TMCC1: variants seen among roughly 807,000 people sequenced by gnomAD.
TMCC1 encodes transmembrane and coiled-coil domains protein 1.
TMCC1 carries 15 observed loss-of-function variants against 52.4 expected under a neutral mutation model. The observed-to-expected ratio is 0.29, with a 90% CI of 0.19 to 0.44. The LOEUF (loss-of-function observed/expected upper bound fraction) is 0.44, where lower values mean the gene tolerates loss of function less well. Among genes scored for constraint, TMCC1 ranks in the 20% least tolerant of loss-of-function variants. TMCC1 has a pLI of 1.00. For missense variants in TMCC1, 503 were observed against 806.0 expected, an observed-to-expected ratio of 0.62 and a Z score of 4.55; for synonymous variants, 279 against 301.9, an observed-to-expected ratio of 0.92 and a Z score of 0.79.
intron 4 of TMCC1, among the ~76,000 whole-genome samples, chr3:129,784,966 C>T (rs887331902): frequency 1.3e-5 from 2 of 151,966 alleles, no homozygotes; most frequent in African/African-American, 2.4e-5. Context: ...GGTGACAGAG[C>T]GAGACCCTCA....
At chr3:129,672,437 A>AT (rs552849546) in intron 4 of TMCC1, among the ~76,000 whole-genome samples, 193 of 149,626 alleles carry the variant, frequency 1.3e-3, no homozygotes, top group East Asian at 7.4e-3. Context: ...CTCTCTACAC[A>AT]TTTTTTTTTT....
At chr3:129,852,494 T>C (rs1463219850) in intron 2 of TMCC1, among the ~76,000 whole-genome samples, 2 of 148,912 alleles carry the variant, frequency 1.3e-5, no homozygotes. Context: ...AAGAAAATTC[T>C]GCAGTATACA....
chr3:129,807,890 G>A (rs1485817229), intron 4 of TMCC1, among the ~76,000 whole-genome samples: 2 of 152,114 alleles, frequency 1.3e-5, no homozygotes, highest in Non-Finnish European at 2.9e-5. Flanking sequence ...AAGAGGATAT[G>A]AAATCAAGGA....
chr3:129,871,967 T>C (rs2060954006), intron 2 of TMCC1, among the ~76,000 whole-genome samples: 1 of 152,250 alleles, frequency 6.6e-6, no homozygotes, highest in Non-Finnish European at 1.5e-5. Flanking sequence ...ATCTAAGTTG[T>C]AAAGATAATG....
At chr3:129,829,998 G>A (rs183586248) in intron 3 of TMCC1, among the ~76,000 whole-genome samples, 17 of 152,164 alleles carry the variant, frequency 1.1e-4, no homozygotes, top group African/African-American at 4.1e-4. Context: ...AGGGAGACAG[G>A]GATAAAGACA....
At chr3:129,756,851 T>G (rs999587553) in intron 4 of TMCC1, among the ~76,000 whole-genome samples, 67 of 152,298 alleles carry the variant, frequency 4.4e-4, no homozygotes, top group African/African-American at 1.6e-3. Context: ...AGGGGAGTTG[T>G]TGATTATAAA....
At chr3:129,681,942 A>C (rs951428486) in intron 4 of TMCC1, among the ~76,000 whole-genome samples, 1 of 151,628 alleles carries the variant, frequency 6.6e-6, no homozygotes, top group Non-Finnish European at 1.5e-5. Context: ...AAAATAAATA[A>C]AATAAAAATA....
intron 2 of TMCC1, among the ~76,000 whole-genome samples, chr3:129,877,399 C>A (rs1309395279): frequency 4.6e-5 from 7 of 152,172 alleles, no homozygotes; most frequent in Non-Finnish European, 1.0e-4. Flanking sequence ...GCTACTAAGT[C>A]TTCCTTGATG....
chr3:129,728,299 G>A (rs2050264176), intron 4 of TMCC1, among the ~76,000 whole-genome samples: 2 of 152,108 alleles, frequency 1.3e-5, no homozygotes, highest in Non-Finnish European at 2.9e-5. Context: ...TGTTGTTGTT[G>A]TTCTGAGATG....
At chr3:129,866,349 T>C (rs2060644244) in intron 2 of TMCC1, among the ~76,000 whole-genome samples, 1 of 143,794 alleles carries the variant, frequency 7.0e-6, no homozygotes, top group Admixed American at 7.2e-5. Context: ...ATATTATATA[T>C]ACATAATATA....
chr3:129,828,291 A>T lies in TMCC1; in HGVS notation c.88T>A (p.Ser30Thr). The change falls in exon 4 of 7, where the codon TCA (serine) becomes ACA (threonine). Residue 30 changes from serine (S) to threonine (T), a missense_variant. Around this residue, in one of 7 missense-constraint regions of TMCC1, gnomAD observed 217 missense variants for 297.9 expected, o/e 0.73. Coordinates refer to ENST00000393238, the MANE Select transcript of TMCC1 (RefSeq NM_001017395.5). The surrounding 1 kb of genome is among the most constrained non-coding windows in gnomAD (Gnocchi z 4.1). ...QDAEARKQTESEQKLSKMTHN... is the reference protein window; with the variant it reads ...QDAEARKQTETEQKLSKMTHN... ...GTCATTTTAGACAATTTTTGTTCTGATTCTGTCTGCTTTCTGGCCTCTGCA... is the reference window on the plus strand; with the variant it reads ...GTCATTTTAGACAATTTTTGTTCTGTTTCTGTCTGCTTTCTGGCCTCTGCA... The T allele has an allele frequency of 6.2e-7, 1 of 1,614,092 alleles. No homozygotes were observed. Among genetic ancestry groups the T allele is most frequent in the African/African-American group, 1.3e-5 (1 of 75,026 alleles).
chr3:129,745,846 C>T (rs1163793885), intron 4 of TMCC1, among the ~76,000 whole-genome samples: 1 of 151,898 alleles, frequency 6.6e-6, no homozygotes, highest in African/African-American at 2.4e-5. Context: ...TGCATATAAT[C>T]CCAGCTACTC....
chr3:129,881,581 A>G (rs2061463401), intron 1 of TMCC1, among the ~76,000 whole-genome samples: 1 of 152,244 alleles, frequency 6.6e-6, no homozygotes, highest in South Asian at 2.1e-4. Context: ...AATATGACAT[A>G]CAGGGTGGTT....
chr3:129,833,959 C>T (rs935097367), intron 2 of TMCC1, among the ~76,000 whole-genome samples: 3 of 152,036 alleles, frequency 2.0e-5, no homozygotes, highest in African/African-American at 7.3e-5. Context: ...TTATACAGAC[C>T]AAATAAAGCA....
intron 4 of TMCC1, among the ~76,000 whole-genome samples, chr3:129,759,807 C>T (rs2053368936): frequency 6.7e-6 from 1 of 148,350 alleles, no homozygotes; most frequent in Admixed American, 6.8e-5. Context: ...CTGCAAGCTC[C>T]GCCTCCCGGG....
chr3:129,880,993 A>G (rs1441111706), intron 1 of TMCC1, among the ~76,000 whole-genome samples: 1 of 151,340 alleles, frequency 6.6e-6, no homozygotes, highest in Non-Finnish European at 1.5e-5. Flanking sequence ...CCTCCCAAGT[A>G]GCTGGCATAA....
intron 4 of TMCC1, among the ~76,000 whole-genome samples, chr3:129,779,664 AATATTATGAAGAC>A (rs1031409770): frequency 1.3e-5 from 2 of 152,174 alleles, no homozygotes; most frequent in Non-Finnish European, 2.9e-5. Context: ...AAGAAAAGGA[AATATTATGAAGAC>A]ATATCTTTCC....
intron 4 of TMCC1, among the ~76,000 whole-genome samples, chr3:129,780,127 T>C (rs182910679): frequency 9.9e-4 from 151 of 152,254 alleles, no homozygotes; most frequent in African/African-American, 3.4e-3. Context: ...ACGTCCATCC[T>C]ACTAAACTAA....
intron 2 of TMCC1, among the ~76,000 whole-genome samples, chr3:129,838,420 GAAAAAGAA>G (rs1183181638): frequency 2.0e-5 from 3 of 149,788 alleles, no homozygotes; most frequent in Non-Finnish European, 4.5e-5. Flanking sequence ...AAAAATAAAA[GAAAAAGAA>G]AAAAAGAAAA....
Sources: allele counts gnomAD v4.1 joint callset (sites outside exome capture counted in the v4.1 genomes callset), GRCh38; gene constraint gnomAD v4.1.1; regional missense constraint gnomAD v4.1.1; non-coding constraint Gnocchi (gnomAD v3.1); transcripts MANE v1.5; gene names NCBI Gene and HGNC (gene_info 2026-07-23, HGNC 2026-07-21).